The following BLVRA variants were observed in gnomAD, a reference collection of about 807,000 sequenced individuals.
The protein encoded by BLVRA is BVR A.
A neutral mutation model predicts 32.8 loss-of-function variants in BLVRA; 22 were observed. The observed-to-expected ratio is 0.67, with a 90% CI of 0.48 to 0.96. The LOEUF is 0.96. Among genes scored for constraint, BLVRA ranks in the 40% least tolerant of loss-of-function variants. The pLI is 0.00. For synonymous variants in BLVRA, 119 were observed against 141.3 expected, an observed-to-expected ratio of 0.84 and a Z score of 1.12; for missense variants, 323 against 358.1, an observed-to-expected ratio of 0.90 and a Z score of 0.79.
At chr7:43,789,037 A>G (rs1224935513) in intron 3 of BLVRA, among the ~76,000 whole-genome samples, 4 of 147,128 alleles carry the variant, frequency 2.7e-5, no homozygotes, top group Non-Finnish European at 6.0e-5. Flanking sequence ...TCACCCCTGT[A>G]CACACACACA....
chr7:43,776,354 T>C (rs1454803588), intron 2 of BLVRA, among the ~76,000 whole-genome samples: 1 of 152,244 alleles, frequency 6.6e-6, no homozygotes, highest in Non-Finnish European at 1.5e-5. Flanking sequence ...TTTATTCTCA[T>C]TGGTTTCAAA....
chr7:43,779,993 C>G (rs901665428), intron 2 of BLVRA, among the ~76,000 whole-genome samples: 3 of 152,044 alleles, frequency 2.0e-5, no homozygotes, highest in African/African-American at 7.3e-5. Context: ...CCCACCTCAG[C>G]CTACCAAGTA....
At position 43,771,192 on chromosome 7, in the gene BLVRA, G is replaced by A. The variant is rs190330144; in HGVS notation, c.12+22G>A. On this transcript the variant is annotated intron_variant, in intron 2 of 7. Coordinates refer to ENST00000265523, the MANE Select transcript of BLVRA (RefSeq NM_000712.4). ...AGAGGTGAGTTCTTTACAAAGACCA[G>A]TTTAAGGGATGCTTTTCTTATTGTG... The A allele has an allele frequency of 1.8e-4, 293 of 1,612,586 alleles. No individual in the cohort carries two copies. In the African/African-American group the frequency reaches 3.6e-3, roughly 20 times the overall value.
Position 43,803,807 on chromosome 7 carries a change from T to C in BLVRA, c.592T>C (p.Tyr198His), listed in dbSNP as rs950169363. The change falls in exon 7 of 8, where the codon TAT (tyrosine) becomes CAT (histidine). Residue 198 changes from tyrosine to histidine, a missense_variant. Coordinates refer to ENST00000265523, the MANE Select transcript of BLVRA (RefSeq NM_000712.4). ...ATLEERKEDQ[Y>H]MKMTVCLETE... The stretch of plus-strand genomic sequence containing the variant: ...TTTGGAAGAGCGAAAGGAAGATCAG[T>C]ATATGAAAATGACAGTGTGTCTGGA... The C allele has an allele frequency of 6.2e-7, 1 of 1,614,052 alleles. No homozygotes were observed.
At chr7:43,798,447 T>C (rs2095795213) in intron 5 of BLVRA, among the ~76,000 whole-genome samples, 1 of 152,174 alleles carries the variant, frequency 6.6e-6, no homozygotes, top group Admixed American at 6.6e-5. Context: ...TTTATTATTT[T>C]ATATCAGTAG....
intron 6 of BLVRA, among the ~76,000 whole-genome samples, chr7:43,801,202 G>A (rs192880022): frequency 1.6e-4 from 24 of 152,162 alleles, no homozygotes; most frequent in Admixed American, 1.2e-3. Context: ...TCCCTATGTT[G>A]CCCAGCCTCA....
At chr7:43,775,976 T>C (rs1254089840) in intron 2 of BLVRA, among the ~76,000 whole-genome samples, 1 of 152,160 alleles carries the variant, frequency 6.6e-6, no homozygotes, top group Non-Finnish European at 1.5e-5. Context: ...TCTGTGGGAT[T>C]GGTAGTGATA....
intron 6 of BLVRA, among the ~76,000 whole-genome samples, chr7:43,802,864 A>G (rs2095800065): frequency 6.6e-6 from 1 of 152,090 alleles, no homozygotes; most frequent in Admixed American, 6.5e-5. Context: ...CAGCCTCCCA[A>G]GTAGCTGGGG....
chr7:43,763,511 C>T (rs557946271), intron 1 of BLVRA, among the ~76,000 whole-genome samples: 35 of 152,172 alleles, frequency 2.3e-4, no homozygotes, highest in African/African-American at 7.7e-4. Context: ...GCACGGGGGG[C>T]GCTCTACTTC....
Position 43,787,858 on chromosome 7 carries a change from A to T in BLVRA, c.13-46A>T, listed in dbSNP as rs953752957. ...CCTTTGTTTTGTAGTTTTCTGCTCG[A>T]TGCCTACAGTGTTTTCAGACTCCAC... On this transcript the variant is annotated intron_variant, in intron 2 of 7. Transcript: ENST00000265523. The surrounding 1 kb of genome is among the most constrained non-coding windows in gnomAD (Gnocchi z 4.5). 2 of 1,613,940 alleles carry T rather than the reference A, an allele frequency of 1.2e-6. No individual in the cohort carries two copies. Among genetic ancestry groups the T allele is most frequent in the Non-Finnish European group, 8.5e-7 (1 of 1,179,974 alleles).
At chr7:43,778,470 G>A (rs1301658374) in intron 2 of BLVRA, among the ~76,000 whole-genome samples, 2 of 152,208 alleles carry the variant, frequency 1.3e-5, no homozygotes, top group Non-Finnish European at 2.9e-5. Context: ...CTGTAGAACA[G>A]CGGATTTTCG....
chr7:43,792,848 T>C lies in BLVRA; in HGVS notation c.352+36T>C, dbSNP rs748838242. ...TTACCAAGAGTTTCTGCCTCCAGGA[T>C]TTCTGTGATATCATCTTTATGCCTT... is the stretch of plus-strand genomic sequence containing the variant. On this transcript the variant is annotated intron_variant, in intron 5 of 7. Coordinates refer to ENST00000265523, the MANE Select transcript of BLVRA (RefSeq NM_000712.4). The C allele has an allele frequency of 4.2e-5, 67 of 1,588,504 alleles. No homozygotes were observed. In the Middle Eastern group the frequency reaches 8.3e-4, roughly 20 times the overall value.
chr7:43,779,101 G>A (rs556146616), intron 2 of BLVRA, among the ~76,000 whole-genome samples: 25 of 152,328 alleles, frequency 1.6e-4, no homozygotes, highest in African/African-American at 2.6e-4. Context: ...GACCCCTTGC[G>A]CTTCCCGAGT....
At position 43,787,838 on chromosome 7, in the gene BLVRA, GT is replaced by G; in HGVS notation, c.13-62del. ...TCGTCGGGACCCTGCCAGCTCCTTT[GT>G]TTTGTAGTTTTCTGCTCGATGCCTA... On this transcript the variant is annotated intron_variant, in intron 2 of 7. Coordinates refer to ENST00000265523, the MANE Select transcript of BLVRA (RefSeq NM_000712.4). The surrounding 1 kb of genome is among the most constrained non-coding windows in gnomAD (Gnocchi z 4.5). The G allele has an allele frequency of 6.2e-7, 1 of 1,613,620 alleles. No individual in the cohort carries two copies. Among genetic ancestry groups the G allele is most frequent in the Non-Finnish European group, 8.5e-7 (1 of 1,179,600 alleles).
At chr7:43,759,499 T>G (rs2095739955) in intron 1 of BLVRA, among the ~76,000 whole-genome samples, 1 of 152,264 alleles carries the variant, frequency 6.6e-6, no homozygotes, top group Non-Finnish European at 1.5e-5. Context: ...CTTGGGCACG[T>G]TAACCAACCT....
At chr7:43,801,320 G>A (rs973327584) in intron 6 of BLVRA, among the ~76,000 whole-genome samples, 1 of 152,140 alleles carries the variant, frequency 6.6e-6, no homozygotes, top group South Asian at 2.1e-4. Flanking sequence ...ATCTGTATTT[G>A]TAGCTGTTTA....
At chr7:43,776,582 T>C (rs577436688) in intron 2 of BLVRA, among the ~76,000 whole-genome samples, 18 of 152,354 alleles carry the variant, frequency 1.2e-4, no homozygotes, top group Non-Finnish European at 1.9e-4. Flanking sequence ...AGTTTTGGAA[T>C]AGGTCTGGTG....
chr7:43,798,328 C>CTT (rs1194569613), intron 5 of BLVRA, among the ~76,000 whole-genome samples: 1 of 149,618 alleles, frequency 6.7e-6, no homozygotes, highest in Non-Finnish European at 1.5e-5. Flanking sequence ...GTCTGACGGG[C>CTT]TTTTCCACTG....
chr7:43,789,085 A>T (rs957448697), intron 3 of BLVRA, among the ~76,000 whole-genome samples: 1 of 152,088 alleles, frequency 6.6e-6, no homozygotes, highest in Admixed American at 6.6e-5. Context: ...CCTGTATAAC[A>T]TCATTTGTCA....
Sources: gnomAD v4.1 joint callset for allele counts (sites outside exome capture counted in the v4.1 genomes callset) on GRCh38, gnomAD v4.1.1 for gene constraint, Gnocchi (gnomAD v3.1) non-coding constraint, MANE v1.5 for transcripts, NCBI Gene and HGNC (gene_info 2026-07-23, HGNC 2026-07-21) for gene names.